The following MTUS1 variants were observed in gnomAD, a reference collection of about 807,000 sequenced individuals.
The protein encoded by MTUS1 is microtubule-associated tumor suppressor 1.
MTUS1 carries 109 observed loss-of-function variants against 120.8 expected under a neutral mutation model. The ratio of observed to expected loss-of-function variants is 0.90; its 90% CI spans 0.77 to 1.06. The LOEUF (loss-of-function observed/expected upper bound fraction) is 1.06, where lower values mean the gene tolerates loss of function less well. Among genes scored for constraint, MTUS1 ranks in the 50% least tolerant of loss-of-function variants. The pLI, the probability that MTUS1 is intolerant of heterozygous loss-of-function variation, is 0.00. For synonymous variants in MTUS1, 737 were observed against 550.5 expected (o/e 1.34, Z -4.74); for missense variants, 2,210 against 1,486.3 (o/e 1.49, Z -8.01).
intron 6 of MTUS1, among the ~76,000 whole-genome samples, chr8:17,696,110 G>A (rs543733266): frequency 2.0e-5 from 3 of 152,302 alleles, no homozygotes; most frequent in African/African-American, 4.8e-5. Flanking sequence ...TCAGTTGGAA[G>A]GGCTGCAGCG....
At position 17,754,838 on chromosome 8, in the gene MTUS1, A is replaced by G; in HGVS notation, c.970T>C (p.Ser324Pro). 6.2e-7 allele frequency: 1 copy of G among 1,614,222 alleles called. No homozygotes were observed. The highest frequency in any genetic ancestry group is 8.5e-7 in the Non-Finnish European group (1 of 1,180,030). Residue 324 changes from serine (S) to proline (P), a missense_variant, in exon 2 of 15, where the codon TCA becomes CCA. By Grantham distance (74) the Ser-to-Pro change is moderately conservative. Coordinates refer to ENST00000693296, the MANE Select transcript of MTUS1 (RefSeq NM_001363059.2). ...TCCTTGTGCCTGTATGAGCTCTGTG[A>G]ATGTGGTTCGCTATTGGATTCATCA... is the stretch of plus-strand genomic sequence containing the variant. ...SHDESNSEPH[S>P]QSSYRHKEMG...
chr8:17,791,221 C>G (rs1328987525), intron 1 of MTUS1, among the ~76,000 whole-genome samples: 1 of 152,196 alleles, frequency 6.6e-6, no homozygotes, highest in African/African-American at 2.4e-5. Context: ...GCACTCATGA[C>G]CTGCTCTGCC....
intron 3 of MTUS1, among the ~76,000 whole-genome samples, chr8:17,733,805 CCTCTT>C (rs1303986665): frequency 1.3e-5 from 2 of 152,150 alleles, no homozygotes; most frequent in African/African-American, 2.4e-5. Context: ...AGCCATAACT[CCTCTT>C]CTCATTCTAC....
intron 4 of MTUS1, chr8:17,721,819 G>C (rs200564270): frequency 1.7e-5 from 28 of 1,613,966 alleles, no homozygotes; most frequent in Non-Finnish European, 2.4e-5. Context: ...TGAACCAGCC[G>C]GTGGGGTGAG....
chr8:17,708,941 T>A (rs980417326), intron 6 of MTUS1: 2 of 152,046 alleles, frequency 1.3e-5, no homozygotes, highest in Non-Finnish European at 2.9e-5. Context: ...ATCGAGACCA[T>A]CCTGGCTAAC....
chr8:17,648,787 T>C (rs1225071852), intron 13 of MTUS1, among the ~76,000 whole-genome samples: 1 of 152,334 alleles, frequency 6.6e-6, no homozygotes. Context: ...AATGAGGCAC[T>C]TGTAGAAGCC....
intron 14 of MTUS1, 127 bp downstream of exon 14, chr8:17,646,855 A>G: frequency 1.5e-6 from 1 of 672,960 alleles, no homozygotes; most frequent in Middle Eastern, 3.3e-4. Flanking sequence ...CAGAGAAATC[A>G]ATGCCCTTTT....
rs775436295 is a variant in MTUS1, at chr8:17,646,127, C to T, written c.3612G>A (p.Thr1204=). 31 of 1,610,102 alleles carry T rather than the reference C, an allele frequency of 1.9e-5. No individual in the cohort carries two copies. Among genetic ancestry groups the T allele is most frequent in the Middle Eastern group, 1.7e-4 (1 of 5,982 alleles). Residue 1204 remains threonine (T), a synonymous_variant, in exon 15 of 15, where the codon ACG becomes ACA. Coordinates refer to ENST00000693296, the MANE Select transcript of MTUS1 (RefSeq NM_001363059.2). ...KHMAISRQLS[T]EQAVLQESLE... is the part of the protein sequence containing the mutation. Reference sequence around the variant, plus strand: ...GCGACTCTTGCAGAACAGCCTGCTCCGTGGAAAGCTGCCTTGAAGAAAAAG... The same window carrying T: ...GCGACTCTTGCAGAACAGCCTGCTCTGTGGAAAGCTGCCTTGAAGAAAAAG...
chr8:17,779,030 T>A (rs763891194), intron 1 of MTUS1, among the ~76,000 whole-genome samples: 33 of 152,120 alleles, frequency 2.2e-4, no homozygotes, highest in South Asian at 1.2e-3. Context: ...AAACTACAGG[T>A]CACATAGGAA....
chr8:17,658,674 G>A (rs1210441227), intron 8 of MTUS1, among the ~76,000 whole-genome samples: 1 of 152,132 alleles, frequency 6.6e-6, no homozygotes, highest in African/African-American at 2.4e-5. Context: ...AGGAGTTGAA[G>A]GAAGAAGATT....
rs1252395284 is a variant in MTUS1 at position 17,666,664 on chromosome 8, C to G, written c.2905+8522G>C. On this transcript the variant is annotated intron_variant, in intron 8 of 14. Coordinates refer to ENST00000693296, the MANE Select transcript of MTUS1 (RefSeq NM_001363059.2). ...CTTTGCAGGTAGCCAAAGCTGTACTCAGATATTGCTAATAAGGAAGAAAAA... is the reference window on the plus strand; with the variant it reads ...CTTTGCAGGTAGCCAAAGCTGTACTGAGATATTGCTAATAAGGAAGAAAAA... Among the ~76,000 whole-genome samples the G allele has an allele frequency of 2.0e-5, 3 of 152,098 alleles. No individual in the cohort carries two copies. The East Asian group carries it at 5.8e-4, about 29-fold the overall frequency.
intron 8 of MTUS1, chr8:17,674,653 CT>C (rs1453459736): frequency 1.5e-5 from 15 of 986,744 alleles, no homozygotes; most frequent in Non-Finnish European, 1.7e-5. Flanking sequence ...AGACGTGGGG[CT>C]CCCTGTGGAG....
intron 7 of MTUS1, among the ~76,000 whole-genome samples, chr8:17,677,141 A>G (rs1215265039): frequency 2.0e-5 from 3 of 152,224 alleles, no homozygotes; most frequent in African/African-American, 7.2e-5. Flanking sequence ...AGTTTCTTAA[A>G]ATAATAAGTA....
At chr8:17,740,651 A>G (rs2047250472) in intron 3 of MTUS1, among the ~76,000 whole-genome samples, 2 of 152,206 alleles carry the variant, frequency 1.3e-5, no homozygotes, top group African/African-American at 4.8e-5. Flanking sequence ...GTAGAATCAA[A>G]TTAGTCTTCT....
chr8:17,755,748 A>C lies in MTUS1; in HGVS notation c.60T>G (p.Ser20Arg). The C allele has an allele frequency of 3.1e-6, 5 of 1,613,954 alleles. No homozygotes were observed. The highest frequency in any genetic ancestry group is 1.3e-5 in the African/African-American group (1 of 74,994). Residue 20 changes from serine (S) to arginine (R), a missense_variant, in exon 2 of 15, where the codon AGT becomes AGG. Transcript: ENST00000693296. ...IEDELQTFFT[S>R]DKDGNTHAYN... ...ATGCATGTGTATTTCCATCTTTATC[A>C]CTGGTAAAGAAGGTTTGCAATTCAT...
At chr8:17,762,682 T>C (rs2049136596) in intron 1 of MTUS1, among the ~76,000 whole-genome samples, 1 of 152,240 alleles carries the variant, frequency 6.6e-6, no homozygotes, top group Non-Finnish European at 1.5e-5. Context: ...ATACAAGTTA[T>C]ACCTTAAATA....
intron 1 of MTUS1, among the ~76,000 whole-genome samples, chr8:17,776,082 G>A (rs1245118522): frequency 2.0e-5 from 3 of 152,130 alleles, no homozygotes; most frequent in African/African-American, 7.2e-5. Context: ...ATGGTGCTGA[G>A]TGGTCTTTCA....
At chr8:17,753,198 C>A (rs748125450) in intron 2 of MTUS1, among the ~76,000 whole-genome samples, 11 of 152,110 alleles carry the variant, frequency 7.2e-5, no homozygotes, top group Non-Finnish European at 1.3e-4. Context: ...TGCCAAAAAT[C>A]ATTATTGGCC....
intron 3 of MTUS1, among the ~76,000 whole-genome samples, chr8:17,742,733 A>C (rs1206425132): frequency 6.6e-6 from 1 of 152,198 alleles, no homozygotes; most frequent in Non-Finnish European, 1.5e-5. Flanking sequence ...TAGGGTTGAA[A>C]AATGAAACCT....
Sources: allele counts gnomAD v4.1 joint callset (sites outside exome capture counted in the v4.1 genomes callset), GRCh38; gene constraint gnomAD v4.1.1; transcripts MANE v1.5; gene names NCBI Gene and HGNC (gene_info 2026-07-23, HGNC 2026-07-21).